The following WWOX variants were observed in gnomAD, a reference collection of about 807,000 sequenced individuals.
The protein encoded by WWOX is WW domain containing oxidoreductase, also known as WW domain-containing oxidoreductase.
A neutral mutation model predicts 46.2 loss-of-function variants in WWOX; 69 were observed. The observed-to-expected ratio is 1.49, with a 90% CI of 1.23 to 1.82. The LOEUF is 1.82. WWOX is among the 40% of genes most tolerant of loss of function. WWOX has a pLI of 0.00. For synonymous variants in WWOX, 359 were observed against 202.6 expected, an observed-to-expected ratio of 1.77 and a Z score of -6.56; for missense variants, 919 against 542.6, an observed-to-expected ratio of 1.69 and a Z score of -6.89.
At chr16:78,152,947 C>T (rs1261572140) in intron 4 of WWOX, among the ~76,000 whole-genome samples, 2 of 152,108 alleles carry the variant, frequency 1.3e-5, no homozygotes, top group African/African-American at 2.4e-5. Flanking sequence ...GTTATTAGGG[C>T]TATTTAGGAA....
At chr16:78,795,500 C>G (rs2050713511) in intron 8 of WWOX, among the ~76,000 whole-genome samples, 1 of 152,110 alleles carries the variant, frequency 6.6e-6, no homozygotes. Flanking sequence ...TCCTCTACAT[C>G]AAACCTGGCT....
At chr16:78,764,339 C>G (rs13333684) in intron 8 of WWOX, among the ~76,000 whole-genome samples, 8,058 of 151,542 alleles carry the variant, frequency 0.053, 654 homozygotes, top group African/African-American at 0.18. Context: ...CTGGCAAGTC[C>G]TAATTCCCTG....
At chr16:78,762,342 C>T (rs568388106) in intron 8 of WWOX, among the ~76,000 whole-genome samples, 2 of 152,282 alleles carry the variant, frequency 1.3e-5, no homozygotes, top group African/African-American at 2.4e-5. Flanking sequence ...AATCTCAGGC[C>T]TGACTGACCC....
rs1321453130 is a variant in WWOX at position 78,315,740 on chromosome 16, T to C, written c.517-71120T>C. On this transcript the variant is annotated intron_variant, in intron 5 of 8. Transcript: ENST00000566780. The stretch of plus-strand genomic sequence containing the variant: ...AATGCCACTCAGCAGGTGCTTACAC[T>C]GTCTGGTTCATCCTTACAATGACTC... Among the ~76,000 whole-genome samples the C allele has an allele frequency of 2.0e-5, 3 of 152,284 alleles. No homozygotes were observed. In the East Asian group the frequency reaches 5.8e-4, roughly 29 times the overall value.
At chr16:78,558,760 C>T (rs910014662) in intron 8 of WWOX, among the ~76,000 whole-genome samples, 3 of 152,226 alleles carry the variant, frequency 2.0e-5, no homozygotes, top group Admixed American at 1.3e-4. Flanking sequence ...AAGGCCTGGC[C>T]TTTGTGTTGT....
intron 5 of WWOX, among the ~76,000 whole-genome samples, chr16:78,322,559 C>G (rs62034373): frequency 0.13 from 19,293 of 152,186 alleles, 1,556 homozygotes; most frequent in East Asian, 0.24. Flanking sequence ...CCCCTAGCAT[C>G]GTACAGTCAG....
intron 8 of WWOX, among the ~76,000 whole-genome samples, chr16:78,587,911 A>G (rs188691530): frequency 2.0e-5 from 3 of 152,330 alleles, no homozygotes; most frequent in Non-Finnish European, 4.4e-5. Flanking sequence ...ACTTATGGTT[A>G]TGTAAATCAA....
intron 8 of WWOX, among the ~76,000 whole-genome samples, chr16:78,836,386 C>T (rs1414146557): frequency 1.3e-5 from 2 of 152,148 alleles, no homozygotes; most frequent in African/African-American, 4.8e-5. Context: ...GTGATTTCGG[C>T]AGTGGTTTCC....
rs552604096 is a variant in WWOX at position 78,821,672 on chromosome 16, G to C, written c.1056+388920G>C. ...CACTGAGGCATGTGGTCGTTCACAGGTGACAAAGACAGAGGCTCAGGGAAC... is the reference window on the plus strand; with the variant it reads ...CACTGAGGCATGTGGTCGTTCACAGCTGACAAAGACAGAGGCTCAGGGAAC... On this transcript the variant is annotated intron_variant, in intron 8 of 8. Transcript: ENST00000566780. 3.3e-5 allele frequency among the ~76,000 whole-genome samples: 5 copies of C among 152,274 alleles called. No individual in the cohort carries two copies. In the East Asian group the frequency reaches 9.7e-4, roughly 29 times the overall value.
intron 8 of WWOX, among the ~76,000 whole-genome samples, chr16:78,575,774 A>T (rs2044863242): frequency 6.6e-6 from 1 of 152,150 alleles, no homozygotes; most frequent in African/African-American, 2.4e-5. Context: ...CTTTTAACCC[A>T]ACATGGTGAA....
intron 8 of WWOX, among the ~76,000 whole-genome samples, chr16:79,103,683 C>T (rs531393331): frequency 1.3e-5 from 2 of 152,244 alleles, no homozygotes; most frequent in South Asian, 4.2e-4. Flanking sequence ...TGCATATTAG[C>T]TATTCATAAA....
intron 8 of WWOX, among the ~76,000 whole-genome samples, chr16:78,882,394 C>G (rs542260705): frequency 8.5e-4 from 130 of 152,176 alleles, no homozygotes; most frequent in African/African-American, 3.0e-3. Context: ...CTTCCATCCT[C>G]TATTTTATTA....
chr16:78,458,617 A>G (rs1293099545), intron 8 of WWOX, among the ~76,000 whole-genome samples: 1 of 152,062 alleles, frequency 6.6e-6, no homozygotes, highest in Non-Finnish European at 1.5e-5. Flanking sequence ...TTTACAGCAT[A>G]TGTGGTCATT....
At chr16:78,728,892 T>C (rs1281002602) in intron 8 of WWOX, among the ~76,000 whole-genome samples, 22 of 152,160 alleles carry the variant, frequency 1.4e-4, no homozygotes. Flanking sequence ...AATAACAAAC[T>C]ATGCATAGAT....
At chr16:78,499,385 G>A (rs908864742) in intron 8 of WWOX, among the ~76,000 whole-genome samples, 1 of 152,210 alleles carries the variant, frequency 6.6e-6, no homozygotes, top group South Asian at 2.1e-4. Context: ...CAGCCCCTTT[G>A]TGATAGTCTC....
intron 8 of WWOX, among the ~76,000 whole-genome samples, chr16:79,160,204 G>A (rs1395476889): frequency 2.0e-5 from 3 of 152,248 alleles, no homozygotes; most frequent in African/African-American, 2.4e-5. Flanking sequence ...GGAGCTGTCA[G>A]TTGTGAGAGC....
chr16:79,064,440 T>C lies in WWOX; in HGVS notation c.1057-147168T>C, dbSNP rs185358739. Among the ~76,000 whole-genome samples, 267 of 152,348 alleles carry C rather than the reference T, an allele frequency of 1.8e-3. 1 individual carries two copies. The highest frequency in any genetic ancestry group is 6.3e-3 in the African/African-American group (260 of 41,572). On this transcript the variant is annotated intron_variant, in intron 8 of 8. Coordinates refer to ENST00000566780, the MANE Select transcript of WWOX (RefSeq NM_016373.4). The stretch of plus-strand genomic sequence containing the variant: ...AAATGAGATAATGCGTGAAAAGTGC[T>C]GACTCAGCACCTGCAGAACCCATGC...
chr16:78,468,103 C>T (rs1051635898), intron 8 of WWOX, among the ~76,000 whole-genome samples: 2 of 152,144 alleles, frequency 1.3e-5, no homozygotes, highest in Non-Finnish European at 2.9e-5. Context: ...TCATTGCCCT[C>T]TGGGAATGTT....
intron 4 of WWOX, among the ~76,000 whole-genome samples, chr16:78,141,917 A>G (rs1262950262): frequency 6.6e-6 from 1 of 152,118 alleles, no homozygotes. Flanking sequence ...AGCTAGGGGC[A>G]AAATACATAT....
Sources: gnomAD v4.1 joint callset for allele counts (sites outside exome capture counted in the v4.1 genomes callset) on GRCh38, gnomAD v4.1.1 for gene constraint, MANE v1.5 for transcripts, NCBI Gene and HGNC (gene_info 2026-07-23, HGNC 2026-07-21) for gene names.